The following BORCS5 variants were observed in gnomAD, a reference collection of about 807,000 sequenced individuals.
BORCS5 encodes the protein BLOC-1 related complex subunit 5.
A neutral mutation model predicts 22.1 loss-of-function variants in BORCS5; 17 were observed. The ratio of observed to expected loss-of-function variants is 0.77; its 90% CI spans 0.53 to 1.15. The LOEUF (loss-of-function observed/expected upper bound fraction) is 1.15, where lower values mean the gene tolerates loss of function less well. Ranked by LOEUF, BORCS5 falls within the 50% of genes most tolerant of loss-of-function variation. BORCS5 has a pLI of 0.00. For missense variants in BORCS5, 247 were observed against 253.2 expected, an observed-to-expected ratio of 0.98 and a Z score of 0.17; for synonymous variants, 117 against 99.8, an observed-to-expected ratio of 1.17 and a Z score of -1.03.
At chr12:12,413,889 C>T (rs1435428138) in intron 2 of BORCS5, among the ~76,000 whole-genome samples, 656 of 47,060 alleles carry the variant, frequency 0.014, 5 homozygotes, top group African/African-American at 0.02. Flanking sequence ...GGGGGGCTGA[C>T]CCCCCCACCT....
At chr12:12,364,286 GAA>G (rs1163866135) in intron 2 of BORCS5, among the ~76,000 whole-genome samples, 1 of 152,100 alleles carries the variant, frequency 6.6e-6, no homozygotes, top group Non-Finnish European at 1.5e-5. Context: ...TGAGGCACAA[GAA>G]TCGCTTGAAC....
chr12:12,409,506 T>A (rs1941669814), intron 2 of BORCS5, among the ~76,000 whole-genome samples: 1 of 152,158 alleles, frequency 6.6e-6, no homozygotes. Flanking sequence ...TGCAATAGTT[T>A]GCTGAGAATG....
At chr12:12,439,702 T>C (rs1592129607) in intron 3 of BORCS5, among the ~76,000 whole-genome samples, 1 of 152,332 alleles carries the variant, frequency 6.6e-6, no homozygotes, top group South Asian at 2.1e-4. Context: ...CCCAGGATTA[T>C]TGCAAAACAG....
intron 2 of BORCS5, among the ~76,000 whole-genome samples, chr12:12,379,082 C>T (rs1182414685): frequency 6.6e-6 from 1 of 150,376 alleles, no homozygotes; most frequent in Non-Finnish European, 1.5e-5. Context: ...TGCAACTTTT[C>T]TATTTCTTTC....
chr12:12,458,324 TC>T (rs1943036052), intron 3 of BORCS5, among the ~76,000 whole-genome samples: 1 of 152,014 alleles, frequency 6.6e-6, no homozygotes, highest in South Asian at 2.1e-4. Context: ...AGCCCATATT[TC>T]CCCCTCAAGA....
intron 3 of BORCS5, among the ~76,000 whole-genome samples, chr12:12,457,196 C>T (rs1208955277): frequency 1.3e-5 from 2 of 152,140 alleles, no homozygotes; most frequent in African/African-American, 2.4e-5. Flanking sequence ...AACCCTATGA[C>T]GTAGGCATTG....
chr12:12,447,296 C>T (rs1416794196), intron 3 of BORCS5, among the ~76,000 whole-genome samples: 7 of 152,228 alleles, frequency 4.6e-5, no homozygotes, highest in African/African-American at 1.4e-4. Context: ...CCTGAGGAAT[C>T]CTGCTCTCCC....
At chr12:12,430,657 T>C (rs1294813594) in intron 2 of BORCS5, among the ~76,000 whole-genome samples, 1 of 152,190 alleles carries the variant, frequency 6.6e-6, no homozygotes, top group East Asian at 1.9e-4. Context: ...AATGCATTCA[T>C]TTGGTTAAAA....
At chr12:12,464,488 G>A (rs537697685) in intron 3 of BORCS5, among the ~76,000 whole-genome samples, 2 of 152,302 alleles carry the variant, frequency 1.3e-5, no homozygotes, top group Middle Eastern at 3.4e-3. Context: ...TGCAAGGTCG[G>A]GAAGGGGCGT....
At chr12:12,391,302 G>A (rs759703794) in intron 2 of BORCS5, among the ~76,000 whole-genome samples, 56 of 152,152 alleles carry the variant, frequency 3.7e-4, no homozygotes, top group Non-Finnish European at 6.0e-4. Flanking sequence ...CTTAAATAAA[G>A]AGGTAGAGGC....
chr12:12,371,438 C>T (rs557113776), intron 2 of BORCS5, among the ~76,000 whole-genome samples: 5 of 152,084 alleles, frequency 3.3e-5, no homozygotes, highest in African/African-American at 4.8e-5. Flanking sequence ...GACTACTCTG[C>T]GTGCCACCAC....
chr12:12,410,517 G>T (rs1202245447), intron 2 of BORCS5, among the ~76,000 whole-genome samples: 7 of 151,742 alleles, frequency 4.6e-5, no homozygotes, highest in East Asian at 1.9e-4. Flanking sequence ...TCTCAGGTTT[G>T]TCAAAGATCA....
chr12:12,374,452 G>GT (rs943167783), intron 2 of BORCS5, among the ~76,000 whole-genome samples: 5 of 150,882 alleles, frequency 3.3e-5, no homozygotes, highest in Non-Finnish European at 7.4e-5. Flanking sequence ...GAACAACATG[G>GT]TGAGACCCTG....
At chr12:12,369,575 A>G (rs1163645670) in intron 2 of BORCS5, among the ~76,000 whole-genome samples, 2 of 151,270 alleles carry the variant, frequency 1.3e-5, no homozygotes, top group African/African-American at 4.9e-5. Context: ...ACTCCTTTGC[A>G]TTATTTTTTT....
intron 2 of BORCS5, among the ~76,000 whole-genome samples, chr12:12,426,497 G>T (rs376298113): frequency 4.6e-5 from 7 of 152,176 alleles, no homozygotes; most frequent in African/African-American, 1.7e-4. Context: ...CTACTTTTGG[G>T]TGTGACATCC....
chr12:12,418,620 G>A lies in BORCS5; in HGVS notation c.203-17008G>A, dbSNP rs140904030. 6.8e-4 allele frequency among the ~76,000 whole-genome samples: 104 copies of A among 152,290 alleles called. 1 individual carries two copies. The East Asian group carries it at 0.018, about 26-fold the overall frequency. ...GAGGATTGTTTGAGCCCAGGAATTC[G>A]AAGATACAGTGAGCTATCATCATGC... On this transcript the variant is annotated intron_variant, in intron 2 of 3. Transcript: ENST00000314565.
chr12:12,464,928 G>A (rs1204448468), intron 3 of BORCS5, among the ~76,000 whole-genome samples: 1 of 152,154 alleles, frequency 6.6e-6, no homozygotes, highest in Admixed American at 6.5e-5. Flanking sequence ...GCCGTCCAGG[G>A]AAGAGAAGGA....
chr12:12,365,736 C>G (rs1279268370), intron 2 of BORCS5, among the ~76,000 whole-genome samples: 1 of 152,092 alleles, frequency 6.6e-6, no homozygotes, highest in Non-Finnish European at 1.5e-5. Context: ...AGTATCTTAT[C>G]CCCCATGCTT....
intron 2 of BORCS5, among the ~76,000 whole-genome samples, chr12:12,365,345 AT>A (rs376865029): frequency 2.5e-3 from 347 of 140,616 alleles, no homozygotes; most frequent in Middle Eastern, 7.4e-3. Flanking sequence ...ATTAAAATAC[AT>A]TTTTTTTTTT....
Sources: gnomAD v4.1 joint callset for allele counts (sites outside exome capture counted in the v4.1 genomes callset) on GRCh38, gnomAD v4.1.1 for gene constraint, MANE v1.5 for transcripts, NCBI Gene and HGNC (gene_info 2026-07-23, HGNC 2026-07-21) for gene names.